Variants in ANKRD6 observed in about 807,000 individuals in gnomAD.
ANKRD6 encodes the protein ankyrin repeat domain 6, also known as ankyrin repeat domain-containing protein 6.
A neutral mutation model predicts 82.3 loss-of-function variants in ANKRD6; 56 were observed. That is an observed-to-expected ratio of 0.68 (90% CI 0.55 to 0.85). ANKRD6 has a LOEUF of 0.85. Ranked by LOEUF, ANKRD6 falls within the 40% of genes least tolerant of loss-of-function variation. The pLI, the probability that ANKRD6 is intolerant of heterozygous loss-of-function variation, is 0.00. For missense variants in ANKRD6, 852 were observed against 907.6 expected (o/e 0.94, Z 0.79); for synonymous variants, 347 against 352.1 (o/e 0.99, Z 0.16).
At chr6:89,468,429 T>C (rs539394462) in intron 1 of ANKRD6, among the ~76,000 whole-genome samples, 14 of 152,280 alleles carry the variant, frequency 9.2e-5, no homozygotes, top group Admixed American at 3.3e-4. Context: ...CTGTTTTTGA[T>C]GGTTGAACTT....
intron 1 of ANKRD6, among the ~76,000 whole-genome samples, chr6:89,533,111 G>A (rs1404071321): frequency 2.6e-5 from 4 of 151,950 alleles, no homozygotes; most frequent in South Asian, 4.2e-4. Context: ...TCCTGACCTC[G>A]TGATCCACCT....
intron 3 of ANKRD6, among the ~76,000 whole-genome samples, chr6:89,599,513 G>A (rs189713496): frequency 3.3e-5 from 5 of 152,350 alleles, no homozygotes; most frequent in Admixed American, 3.3e-4. Flanking sequence ...GTAGCCACTT[G>A]TATGTATTGA....
intron 1 of ANKRD6, among the ~76,000 whole-genome samples, chr6:89,548,523 T>G (rs1414498501): frequency 6.6e-6 from 1 of 152,252 alleles, no homozygotes; most frequent in Non-Finnish European, 1.5e-5. Context: ...TCATATGTGT[T>G]CTGTTCACTT....
intron 1 of ANKRD6, among the ~76,000 whole-genome samples, chr6:89,543,028 CTGTT>C (rs1339382312): frequency 6.6e-6 from 1 of 152,156 alleles, no homozygotes; most frequent in Non-Finnish European, 1.5e-5. Context: ...TGCCAAATGT[CTGTT>C]TGTTCTTGGG....
chr6:89,485,814 A>G (rs957854322), intron 1 of ANKRD6, among the ~76,000 whole-genome samples: 1 of 152,208 alleles, frequency 6.6e-6, no homozygotes, highest in African/African-American at 2.4e-5. Flanking sequence ...CACACAGGAA[A>G]GCTTCTCTCT....
At chr6:89,558,348 A>G (rs1428512849) in intron 1 of ANKRD6, among the ~76,000 whole-genome samples, 1 of 152,252 alleles carries the variant, frequency 6.6e-6, no homozygotes, top group East Asian at 1.9e-4. Flanking sequence ...AGAAAAGCAA[A>G]TTGTGGTACA....
chr6:89,481,803 C>T (rs1776847218), intron 1 of ANKRD6, among the ~76,000 whole-genome samples: 1 of 152,046 alleles, frequency 6.6e-6, no homozygotes, highest in African/African-American at 2.4e-5. Context: ...TGATACTGTA[C>T]CACTGATAGC....
chr6:89,506,085 C>T (rs1297515267), intron 1 of ANKRD6, among the ~76,000 whole-genome samples: 2 of 152,078 alleles, frequency 1.3e-5, no homozygotes, highest in African/African-American at 4.8e-5. Flanking sequence ...ACATGTTAGT[C>T]AAAGGGTATA....
chr6:89,454,440 C>G (rs866281023), intron 1 of ANKRD6, among the ~76,000 whole-genome samples: 1 of 152,170 alleles, frequency 6.6e-6, no homozygotes, highest in Non-Finnish European at 1.5e-5. Context: ...AACACAGATA[C>G]TTGGTTTGCT....
chr6:89,518,275 G>A (rs1781464975), intron 1 of ANKRD6, among the ~76,000 whole-genome samples: 1 of 152,144 alleles, frequency 6.6e-6, no homozygotes, highest in African/African-American at 2.4e-5. Flanking sequence ...GGTGGCGCAT[G>A]CCTGTAATCC....
intron 2 of ANKRD6, among the ~76,000 whole-genome samples, chr6:89,581,952 A>T (rs1020268215): frequency 2.0e-5 from 3 of 152,206 alleles, no homozygotes; most frequent in Non-Finnish European, 2.9e-5. Context: ...TTACATGGCA[A>T]GTCAAACAAA....
At chr6:89,487,088 C>G (rs1381525831) in intron 1 of ANKRD6, among the ~76,000 whole-genome samples, 2 of 152,138 alleles carry the variant, frequency 1.3e-5, no homozygotes, top group African/African-American at 4.8e-5. Context: ...ATACCTTAGC[C>G]CTGACACTTA....
At position 89,454,751 on chromosome 6, in the gene ANKRD6, TC is replaced by T. The variant is rs1280076922; in HGVS notation, c.-144+21379del. 5.9e-5 allele frequency among the ~76,000 whole-genome samples: 9 copies of T among 152,326 alleles called. No individual in the cohort carries two copies. The East Asian group carries it at 1.5e-3, about 26-fold the overall frequency. On this transcript the variant is annotated intron_variant, in intron 1 of 15. Transcript: ENST00000339746. The stretch of plus-strand genomic sequence containing the variant: ...GCATGATTCTTTTATAGCAATCATT[TC>T]CCTGTATTTTTTTTATAGTTCTACG...
chr6:89,502,987 G>C (rs1323475268), intron 1 of ANKRD6, among the ~76,000 whole-genome samples: 1 of 152,102 alleles, frequency 6.6e-6, no homozygotes, highest in African/African-American at 2.4e-5. Context: ...CACACCCTCT[G>C]CACCCTCCCT....
intron 1 of ANKRD6, among the ~76,000 whole-genome samples, chr6:89,483,085 G>A (rs1419725338): frequency 6.6e-6 from 1 of 152,038 alleles, no homozygotes; most frequent in Non-Finnish European, 1.5e-5. Flanking sequence ...TTTCCTTTGG[G>A]CTCATTCTTT....
intron 1 of ANKRD6, among the ~76,000 whole-genome samples, chr6:89,453,416 A>C (rs1330053583): frequency 6.6e-6 from 1 of 152,248 alleles, no homozygotes; most frequent in Non-Finnish European, 1.5e-5. Flanking sequence ...AAAACTTATC[A>C]AGAGTAGTTT....
chr6:89,525,689 A>G (rs1229883221), intron 1 of ANKRD6, among the ~76,000 whole-genome samples: 2 of 152,222 alleles, frequency 1.3e-5, no homozygotes, highest in African/African-American at 4.8e-5. Context: ...GAAAAGCTAT[A>G]CATAGTTATG....
At position 89,595,956 on chromosome 6, in the gene ANKRD6, A is replaced by T; in HGVS notation, c.161A>T (p.His54Leu). The change falls in exon 3 of 16, where the codon CAT becomes CTT. Residue 54 changes from histidine (H) to leucine (L), a missense_variant. Coordinates refer to ENST00000339746, the MANE Select transcript of ANKRD6 (RefSeq NM_001242809.2). ...CTGCATCTTGCTGCCAATAAGGGCC[A>T]TCTTCCTGTGGTCCAGATCTTGCTG... The part of the protein sequence containing the change: ...TPLHLAANKG[H>L]LPVVQILLKA... 6.2e-7 allele frequency: 1 copy of T among 1,611,156 alleles called. No individual in the cohort carries two copies. The highest frequency in any genetic ancestry group is 2.2e-5 in the East Asian group (1 of 44,828).
intron 1 of ANKRD6, among the ~76,000 whole-genome samples, chr6:89,515,450 G>A (rs933304166): frequency 6.6e-6 from 1 of 152,126 alleles, no homozygotes. Context: ...TTTTTTGTTT[G>A]TTCAATGTTT....
Sources: gnomAD v4.1 joint callset for allele counts (sites outside exome capture counted in the v4.1 genomes callset) on GRCh38, gnomAD v4.1.1 for gene constraint, MANE v1.5 for transcripts, NCBI Gene and HGNC (gene_info 2026-07-23, HGNC 2026-07-21) for gene names.